CLRN1: variants seen among roughly 807,000 people sequenced by gnomAD.
CLRN1 encodes clarin-1.
In CLRN1, 15 loss-of-function variants were observed where a neutral mutation model predicts 18.7. The ratio of observed to expected loss-of-function variants is 0.80; its 90% CI spans 0.54 to 1.23. CLRN1 has a LOEUF of 1.23. Among genes scored for constraint, CLRN1 ranks in the 50% most tolerant of loss-of-function variants. The pLI is 0.00. For missense variants in CLRN1, 311 were observed against 277.5 expected, an observed-to-expected ratio of 1.12 and a Z score of -0.86; for synonymous variants, 104 against 102.9, an observed-to-expected ratio of 1.01 and a Z score of -0.07.
upstream of CLRN1, chr3:150,972,811 G>A (rs1184875842): frequency 1.3e-6 from 2 of 1,532,942 alleles, no homozygotes; most frequent in Admixed American, 1.8e-5. Flanking sequence ...AAGCTGAACG[G>A]ACAGCTCCCA....
chr3:150,932,281 G>T (rs1713198111), intron 2 of CLRN1, among the ~76,000 whole-genome samples: 1 of 152,132 alleles, frequency 6.6e-6, no homozygotes, highest in Non-Finnish European at 1.5e-5. Context: ...TGGCCAATGA[G>T]GGTTGCTTCT....
At chr3:150,930,488 C>G (rs2107931668) in intron 2 of CLRN1, among the ~76,000 whole-genome samples, 1 of 152,278 alleles carries the variant, frequency 6.6e-6, no homozygotes, top group East Asian at 1.9e-4. Context: ...TGAAATTTCA[C>G]TTTCTACCAT....
chr3:150,939,706 C>T (rs763234561), intron 2 of CLRN1, among the ~76,000 whole-genome samples: 42 of 152,150 alleles, frequency 2.8e-4, no homozygotes, highest in Non-Finnish European at 5.3e-4. Flanking sequence ...CACTGCTTTA[C>T]ATTCCTTCTG....
chr3:150,955,722 C>T (rs968162790), intron 1 of CLRN1, among the ~76,000 whole-genome samples: 1 of 152,076 alleles, frequency 6.6e-6, no homozygotes, highest in East Asian at 1.9e-4. Flanking sequence ...CATGACAAAG[C>T]TCTTTTTTGT....
intron 1 of CLRN1, among the ~76,000 whole-genome samples, chr3:150,956,764 C>A (rs1714755184): frequency 6.6e-6 from 1 of 152,130 alleles, no homozygotes; most frequent in Non-Finnish European, 1.5e-5. Flanking sequence ...ACCCCTTAGC[C>A]TCTGATCTGT....
intron 1 of CLRN1, among the ~76,000 whole-genome samples, chr3:150,968,326 C>A (rs573219834): frequency 6.6e-6 from 1 of 152,284 alleles, no homozygotes; most frequent in East Asian, 1.9e-4. Flanking sequence ...TAAAATTTTA[C>A]AGGTGACATA....
chr3:150,969,677 G>C (rs1437533437), intron 1 of CLRN1, among the ~76,000 whole-genome samples: 3 of 152,010 alleles, frequency 2.0e-5, no homozygotes, highest in Non-Finnish European at 2.9e-5. Flanking sequence ...AAACATTTAG[G>C]TATGCAAAAT....
chr3:150,936,291 A>G (rs73153895), intron 2 of CLRN1, among the ~76,000 whole-genome samples: 51,351 of 151,920 alleles, frequency 0.34, 8,884 homozygotes, highest in South Asian at 0.4. Context: ...TCTATATCCG[A>G]ATAATGCCCA....
intron 1 of CLRN1, among the ~76,000 whole-genome samples, chr3:150,969,471 C>T (rs1195279749): frequency 3.3e-5 from 5 of 150,410 alleles, no homozygotes; most frequent in Non-Finnish European, 5.9e-5. Context: ...GGACTACAGG[C>T]GCCCCCGCCA....
At chr3:150,945,808 G>T in intron 1 of CLRN1, 1 of 431,858 alleles carries the variant, frequency 2.3e-6, no homozygotes, top group Non-Finnish European at 3.8e-6. Context: ...GGACCCTTGT[G>T]CATTTTTCTT....
At position 150,928,122 on chromosome 3, in the gene CLRN1, A is replaced by T. The variant is rs745585873; in HGVS notation, c.513T>A (p.Tyr171Ter). ...IHHLSEKIAN[Y>*]KEGTYVYKTQ... ...TTTTGTAGACATAAGTCCCTTCTTT[A>T]TAATTTGCAATTTTTTCTGAGAGGT... Residue 171 changes from tyrosine (Y) to a stop codon, truncating the protein, a stop_gained, in exon 3 of 3, where the codon TAT (tyrosine) becomes TAA (stop). Transcript: ENST00000327047. LOFTEE classifies it high-confidence loss of function. 2 of 1,613,522 alleles carry T rather than the reference A, an allele frequency of 1.2e-6. No individual in the cohort carries two copies. The highest frequency in any genetic ancestry group is 3.3e-5 in the Admixed American group (2 of 59,848).
intron 1 of CLRN1, among the ~76,000 whole-genome samples, chr3:150,958,094 G>A (rs534604867): frequency 6.6e-6 from 1 of 152,210 alleles, no homozygotes; most frequent in Admixed American, 6.5e-5. Context: ...CTACAAATTG[G>A]TGTAACTGAT....
chr3:150,942,468 C>T, intron 1 of CLRN1: 1 of 254,290 alleles, frequency 3.9e-6, no homozygotes, highest in South Asian at 3.8e-5. Context: ...GCAAATCTGG[C>T]AGGACCAATC....
intron 1 of CLRN1, among the ~76,000 whole-genome samples, chr3:150,969,905 G>T (rs200408439): frequency 6.6e-6 from 1 of 152,098 alleles, no homozygotes; most frequent in Non-Finnish European, 1.5e-5. Flanking sequence ...GAACCCAGGA[G>T]GGGTAGTTGC....
intron 1 of CLRN1, chr3:150,943,950 GT>G: frequency 6.3e-7 from 1 of 1,586,258 alleles, no homozygotes; most frequent in Non-Finnish European, 8.6e-7. Flanking sequence ...AGTAAATGGG[GT>G]ACCCCTGTTG....
chr3:150,939,541 C>T (rs1161631663), intron 2 of CLRN1, among the ~76,000 whole-genome samples: 10 of 152,148 alleles, frequency 6.6e-5, no homozygotes, highest in African/African-American at 2.4e-4. Flanking sequence ...CTCAGAATCT[C>T]CTGAAGGGAG....
chr3:150,932,158 G>A lies in CLRN1; in HGVS notation c.434-3957C>T, dbSNP rs186218902. On this transcript the variant is annotated intron_variant, in intron 2 of 2. Coordinates refer to ENST00000327047, the MANE Select transcript of CLRN1 (RefSeq NM_174878.3). ...ATGAATGATCAGTCAATTAACAAAC[G>A]TTTGTAATGTGCTAGACACTGCACA... Among the ~76,000 whole-genome samples the A allele has an allele frequency of 2.6e-5, 4 of 152,160 alleles. No homozygotes were observed. The East Asian group carries it at 7.7e-4, about 29-fold the overall frequency.
rs926521740 is a variant in CLRN1, at chr3:150,935,849, A to G, written c.433+5733T>C. Among the ~76,000 whole-genome samples, 8 of 130,522 alleles carry G rather than the reference A, an allele frequency of 6.1e-5. 3 individuals carry two copies. The allele number at this position is 130,522 out of a possible 152,430, so 85.6% of individuals were successfully genotyped here. ...AATGATTGCCATTTGAACTGGTGTG[A>G]GATGGTATCTCATTGTGGTTTTGAT... is the stretch of plus-strand genomic sequence containing the variant. On this transcript the variant is annotated intron_variant, in intron 2 of 2. Coordinates refer to ENST00000327047, the MANE Select transcript of CLRN1 (RefSeq NM_174878.3).
chr3:150,969,309 A>G lies in CLRN1; in HGVS notation c.253+3147T>C, dbSNP rs1184436362. 2.3e-3 allele frequency among the ~76,000 whole-genome samples: 139 copies of G among 61,594 alleles called. 2 individuals carry two copies. Among genetic ancestry groups the G allele is most frequent in the African/African-American group, 9.8e-3 (132 of 13,464 alleles). The allele number at this position is 61,594 out of a possible 152,430, so 40.4% of individuals were successfully genotyped here. A position where few individuals can be genotyped will look rare whatever the true frequency, so the allele number is the denominator to read the frequency against. On this transcript the variant is annotated intron_variant, in intron 1 of 2. Transcript: ENST00000327047. ...TGGCTTGTAATATATATATATATAT[A>G]TATATTTTTTTTTTTTTTTTTTTTT...
Sources: gnomAD v4.1 joint callset for allele counts (sites outside exome capture counted in the v4.1 genomes callset) on GRCh38, gnomAD v4.1.1 for gene constraint, MANE v1.5 for transcripts, NCBI Gene and HGNC (gene_info 2026-07-23, HGNC 2026-07-21) for gene names.